Variants in RAI1 observed in about 807,000 individuals in gnomAD.
RAI1 encodes the protein retinoic acid induced 1.
A neutral mutation model predicts 123.8 loss-of-function variants in RAI1; 9 were observed. That is an observed-to-expected ratio of 0.07 (90% CI 0.04 to 0.13). The LOEUF is 0.13. Ranked by LOEUF, RAI1 falls within the 10% of genes least tolerant of loss-of-function variation. The pLI is 1.00. For synonymous variants in RAI1, 1,231 were observed against 1,127.3 expected (o/e 1.09, Z -1.84); for missense variants, 2,256 against 2,545.8 (o/e 0.89, Z 2.45).
intron 2 of RAI1, among the ~76,000 whole-genome samples, chr17:17,774,445 C>T (rs867127916): frequency 6.6e-6 from 1 of 152,366 alleles, no homozygotes; most frequent in African/African-American, 2.4e-5. Context: ...GGCCTGGGGC[C>T]GCAGGGGCCT....
chr17:17,810,691 C>A lies in RAI1; in HGVS notation c.*710C>A. 1 of 387,674 alleles carries A rather than the reference C, an allele frequency of 2.6e-6. No individual in the cohort carries two copies. The highest frequency in any genetic ancestry group is 2.8e-5 in the Admixed American group (1 of 35,296). The allele number at this position is 387,674 out of a possible 1,614,324, so 24.0% of individuals were successfully genotyped here. A position where few individuals can be genotyped will look rare whatever the true frequency, so the allele number is the denominator to read the frequency against. ...GGGTTGCGGGATCCCCGAGTGTGGGCGGGACTGGGACACCCTTTGGCCTCT... is the reference window on the plus strand; with the variant it reads ...GGGTTGCGGGATCCCCGAGTGTGGGAGGGACTGGGACACCCTTTGGCCTCT... On this transcript the variant is annotated 3_prime_UTR_variant, in exon 6 of 6. Transcript: ENST00000353383. This position sits in a 1 kb window ranked among gnomAD's most constrained non-coding sequence, Gnocchi z 4.6.
chr17:17,757,377 A>G (rs2030479894), intron 2 of RAI1, among the ~76,000 whole-genome samples: 1 of 152,140 alleles, frequency 6.6e-6, no homozygotes, highest in South Asian at 2.1e-4. Context: ...GGGCGGCAGG[A>G]TGTGAGCACA....
intron 1 of RAI1, among the ~76,000 whole-genome samples, chr17:17,706,793 G>T (rs1413226381): frequency 6.6e-6 from 1 of 152,200 alleles, no homozygotes; most frequent in Non-Finnish European, 1.5e-5. Flanking sequence ...TCTCTGTGTG[G>T]GCTCAGGGGA....
chr17:17,724,624 CGAA>C (rs1463579682), intron 2 of RAI1, among the ~76,000 whole-genome samples: 1 of 152,078 alleles, frequency 6.6e-6, no homozygotes, highest in East Asian at 1.9e-4. Flanking sequence ...ATCTGCGCCC[CGAA>C]GCTGGTCGGA....
intron 1 of RAI1, among the ~76,000 whole-genome samples, chr17:17,686,585 G>GTC (rs1914643198): frequency 6.9e-6 from 1 of 145,532 alleles, no homozygotes; most frequent in Non-Finnish European, 1.5e-5. Flanking sequence ...GTGTGTGTGT[G>GTC]TGTGTGTGTG....
chr17:17,791,005 T>C (rs2031993159), intron 2 of RAI1, among the ~76,000 whole-genome samples: 2 of 152,166 alleles, frequency 1.3e-5, no homozygotes, highest in South Asian at 2.1e-4. Context: ...AGGGGTAGGA[T>C]TGAAGTGGGT....
At chr17:17,728,500 G>T (rs528274397) in intron 2 of RAI1, among the ~76,000 whole-genome samples, 3 of 152,352 alleles carry the variant, frequency 2.0e-5, no homozygotes, top group African/African-American at 7.2e-5. Flanking sequence ...GGGTCCAATG[G>T]CAGGGCATAG....
At chr17:17,768,658 C>G (rs1464758320) in intron 2 of RAI1, among the ~76,000 whole-genome samples, 1 of 152,210 alleles carries the variant, frequency 6.6e-6, no homozygotes. Context: ...CCAGGATGGG[C>G]AGGGTAGCCT....
In RAI1 at chr17:17,800,180, G is replaced by GTCTCTCTCTGTCTCTCTCTC. The variant is rs1555566532; in HGVS notation, c.5565+1676_5565+1677insGTCTCTCTCTCTCTCTCTCT. Among the ~76,000 whole-genome samples the GTCTCTCTCTGTCTCTCTCTC allele has an allele frequency of 1.3e-3, 151 of 116,328 alleles. 3 individuals are homozygous for GTCTCTCTCTGTCTCTCTCTC. Among genetic ancestry groups the GTCTCTCTCTGTCTCTCTCTC allele is most frequent in the Non-Finnish European group, 2.4e-3 (125 of 51,098 alleles). 76.3% of individuals were successfully genotyped at this position (116,328 alleles called of 152,430 possible). Reference sequence around the variant, plus strand: ...TCTCTCCTGCTTTCTGTCTCTCTCTGTCTCTCTCTCTCTCTCTCTCTCTCT... The same window carrying GTCTCTCTCTGTCTCTCTCTC: ...TCTCTCCTGCTTTCTGTCTCTCTCTGTCTCTCTCTGTCTCTCTCTCTCTCTCTCTCTCTCTCTCTCTCTCT... On this transcript the variant is annotated intron_variant, in intron 3 of 5. Coordinates refer to ENST00000353383, the MANE Select transcript of RAI1 (RefSeq NM_030665.4). This position sits in a 1 kb window ranked among gnomAD's most constrained non-coding sequence, Gnocchi z 4.7.
chr17:17,760,536 G>T (rs1325977150), intron 2 of RAI1, among the ~76,000 whole-genome samples: 1 of 152,212 alleles, frequency 6.6e-6, no homozygotes, highest in African/African-American at 2.4e-5. Context: ...ATGGAGAGGG[G>T]CCCCTGACGT....
At position 17,793,958 on chromosome 17, in the gene RAI1, C is replaced by T; in HGVS notation, c.1010C>T (p.Thr337Ile). The change falls in exon 3 of 6, where the codon ACC (threonine) becomes ATC (isoleucine). Residue 337 changes from threonine (T) to isoleucine (I), a missense_variant. Around this residue, in one of 7 missense-constraint regions of RAI1, gnomAD observed 357 missense variants for 480.2 expected, o/e 0.74. Transcript: ENST00000353383. ...CGGACCCCAGAGCAGTACTACCAGA[C>T]CTTCAGCCCCAGCTCCAGCCACTCA... ...AVRTPEQYYQ[T>I]FSPSSSHSPA... 1 of 1,613,632 alleles carries T rather than the reference C, an allele frequency of 6.2e-7. No homozygotes were observed. The highest frequency in any genetic ancestry group is 8.5e-7 in the Non-Finnish European group (1 of 1,179,946).
intron 2 of RAI1, among the ~76,000 whole-genome samples, chr17:17,786,477 G>C (rs1224720026): frequency 1.3e-5 from 2 of 152,208 alleles, no homozygotes; most frequent in Non-Finnish European, 2.9e-5. Flanking sequence ...TTACAACAAG[G>C]TCAGTCGTGG....
Position 17,809,149 on chromosome 17 carries a change from GA to G in RAI1, c.5660-237del, listed in dbSNP as rs1447870298. ...AGGGGCGGCACGTGGAACTCAGGGG[GA>G]AAAGCTCTCCGCGGAGGAGGTGAGG... On this transcript the variant is annotated intron_variant, in intron 4 of 5. Transcript: ENST00000353383. The surrounding 1 kb of genome is among the most constrained non-coding windows in gnomAD (Gnocchi z 4.9). The G allele has an allele frequency of 6.7e-6, 4 of 597,984 alleles. No homozygotes were observed. The highest frequency in any genetic ancestry group is 5.8e-5 in the East Asian group (2 of 34,638). 37.0% of individuals were successfully genotyped at this position (597,984 alleles called of 1,614,324 possible). A position where few individuals can be genotyped will look rare whatever the true frequency, so the allele number is the denominator to read the frequency against.
rs914562435 is a variant in RAI1 at position 17,702,760 on chromosome 17, A to C, written c.-149+20967A>C. Among the ~76,000 whole-genome samples the C allele has an allele frequency of 6.6e-5, 10 of 152,268 alleles. 1 individual carries two copies. The highest frequency in any genetic ancestry group is 6.8e-3 in the Middle Eastern group (2 of 294). On this transcript the variant is annotated intron_variant, in intron 1 of 5. Coordinates refer to ENST00000353383, the MANE Select transcript of RAI1 (RefSeq NM_030665.4). Reference sequence around the variant, plus strand: ...AACTCTTGGTATCCAGTAGTTTATCACCAGCCATGAGGTGGCTTCTCTTAA... The same window carrying C: ...AACTCTTGGTATCCAGTAGTTTATCCCCAGCCATGAGGTGGCTTCTCTTAA...
intron 2 of RAI1, chr17:17,778,001 C>T (rs2031414811): frequency 6.6e-6 from 1 of 152,282 alleles, no homozygotes; most frequent in Non-Finnish European, 1.5e-5. Context: ...AGCCCAGCCT[C>T]AGCAGAACCC....
chr17:17,803,014 G>A (rs2032508021), intron 3 of RAI1, among the ~76,000 whole-genome samples: 2 of 151,348 alleles, frequency 1.3e-5, no homozygotes, highest in African/African-American at 2.4e-5. Context: ...AACACAGGAG[G>A]CAGCGGTTGC....
intron 1 of RAI1, among the ~76,000 whole-genome samples, chr17:17,716,158 C>A (rs548416889): frequency 6.6e-6 from 1 of 152,346 alleles, no homozygotes; most frequent in African/African-American, 2.4e-5. Flanking sequence ...CTGGAAGGAG[C>A]ATCCCTGCTG....
Position 17,798,186 on chromosome 17 carries a change from A to C in RAI1, c.5238A>C (p.Ala1746=), listed in dbSNP as rs1174135053. The part of the protein sequence containing the change: ...LERTLKGPEC[A]AAATAGKPPR... ...GAACACTCAAAGGTCCCGAGTGTGCAGCTGCCGCCACTGCCGGGAAGCCCC... is the reference window on the plus strand; with the variant it reads ...GAACACTCAAAGGTCCCGAGTGTGCCGCTGCCGCCACTGCCGGGAAGCCCC... Residue 1746 remains alanine, a synonymous_variant, in exon 3 of 6, where the codon GCA becomes GCC. Transcript: ENST00000353383. 3 of 1,611,656 alleles carry C rather than the reference A, an allele frequency of 1.9e-6. No individual in the cohort carries two copies.
intron 1 of RAI1, among the ~76,000 whole-genome samples, chr17:17,721,993 G>A (rs1250697477): frequency 6.6e-6 from 1 of 152,154 alleles, no homozygotes; most frequent in African/African-American, 2.4e-5. Context: ...TTGGGGGTTA[G>A]TAGGTGGAGA....
Sources: allele counts gnomAD v4.1 joint callset (sites outside exome capture counted in the v4.1 genomes callset), GRCh38; gene constraint gnomAD v4.1.1; regional missense constraint gnomAD v4.1.1; non-coding constraint Gnocchi (gnomAD v3.1); transcripts MANE v1.5; gene names NCBI Gene and HGNC (gene_info 2026-07-23, HGNC 2026-07-21).